MAN2A1: variants seen among roughly 807,000 people sequenced by gnomAD.
MAN2A1 encodes mannosidase alpha class 2A member 1, also known as alpha-mannosidase 2.
Under a neutral mutation model 142.6 loss-of-function variants are expected in MAN2A1, and 76 were observed. The ratio of observed to expected loss-of-function variants is 0.53; its 90% confidence interval spans 0.44 to 0.65. The LOEUF (loss-of-function observed/expected upper bound fraction) is 0.65, where lower values mean the gene tolerates loss of function less well. MAN2A1 is among the 30% of genes least tolerant of loss of function. The probability of loss-of-function intolerance (pLI) is 0.00; values close to 1 mark genes in which losing one functional copy is unlikely to be tolerated. For synonymous variants in MAN2A1, 559 were observed against 473.2 expected, an observed-to-expected ratio of 1.18 and a Z score of -2.35; for missense variants, 1,311 against 1,365.1, an observed-to-expected ratio of 0.96 and a Z score of 0.62.
At chr5:109,816,295 T>C (rs575473317) in intron 12 of MAN2A1, among the ~76,000 whole-genome samples, 10 of 152,384 alleles carry the variant, frequency 6.6e-5, no homozygotes, top group Admixed American at 3.9e-4. Context: ...CATAATATGC[T>C]GGTATAAAAT....
chr5:109,819,390 C>A (rs2112724237), intron 13 of MAN2A1, among the ~76,000 whole-genome samples: 1 of 152,286 alleles, frequency 6.6e-6, no homozygotes, highest in Non-Finnish European at 1.5e-5. Context: ...TTTAAATCAT[C>A]TCTAAATTAC....
At chr5:109,750,595 C>G (rs1227790315) in intron 4 of MAN2A1, among the ~76,000 whole-genome samples, 1 of 152,038 alleles carries the variant, frequency 6.6e-6, no homozygotes, top group Non-Finnish European at 1.5e-5. Flanking sequence ...TATGTGCTTT[C>G]TGGCCTACTA....
intron 2 of MAN2A1, among the ~76,000 whole-genome samples, chr5:109,714,543 G>GA (rs1751400847): frequency 6.6e-6 from 1 of 152,158 alleles, no homozygotes; most frequent in African/African-American, 2.4e-5. Flanking sequence ...ACCAGCATTG[G>GA]AAAGGACTTC....
chr5:109,763,524 G>GTAT (rs981803703), intron 5 of MAN2A1, among the ~76,000 whole-genome samples: 1 of 113,002 alleles, frequency 8.8e-6, no homozygotes, highest in African/African-American at 4.5e-5. Context: ...ATTTATTTTA[G>GTAT]TATTATTATT....
chr5:109,788,930 A>G lies in MAN2A1; in HGVS notation c.1761-4A>G, dbSNP rs747973120. Reference sequence around the variant, plus strand: ...CTCAGACTAATAAAATTTTTGATTTACAGACTTTTTCATTCGTTAATGGTT... The same window carrying G: ...CTCAGACTAATAAAATTTTTGATTTGCAGACTTTTTCATTCGTTAATGGTT... On this transcript the variant is annotated splice_polypyrimidine_tract_variant and splice_region_variant and intron_variant, in intron 10 of 21. Coordinates refer to ENST00000261483, the MANE Select transcript of MAN2A1 (RefSeq NM_002372.4). 13 of 1,406,004 alleles carry G rather than the reference A, an allele frequency of 9.2e-6. No individual in the cohort carries two copies. Among genetic ancestry groups the G allele is most frequent in the Non-Finnish European group, 4.0e-6 (4 of 999,104 alleles). 87.1% of individuals were successfully genotyped at this position (1,406,004 alleles called of 1,614,324 possible). A position where few individuals can be genotyped will look rare whatever the true frequency, so the allele number is the denominator to read the frequency against.
chr5:109,799,700 G>C (rs1753963107), intron 12 of MAN2A1, among the ~76,000 whole-genome samples: 1 of 151,378 alleles, frequency 6.6e-6, no homozygotes, highest in Admixed American at 6.6e-5. Context: ...GTTGTGGTGA[G>C]CCGAGGTTGC....
intron 21 of MAN2A1, among the ~76,000 whole-genome samples, chr5:109,866,264 C>CAG (rs1195611145): frequency 6.6e-6 from 1 of 152,064 alleles, no homozygotes; most frequent in Non-Finnish European, 1.5e-5. Context: ...TTATACGATC[C>CAG]AGAGAGACAG....
chr5:109,820,272 C>T lies in MAN2A1; in HGVS notation c.2381C>T (p.Ser794Leu). The T allele has an allele frequency of 6.2e-7, 1 of 1,611,558 alleles. No homozygotes were observed. Among genetic ancestry groups the T allele is most frequent in the Non-Finnish European group, 8.5e-7 (1 of 1,178,018 alleles). ...GKHHEVNVQF[S>L]WYGTTIKRDK... Reference sequence around the variant, plus strand: ...CACCATGAAGTAAATGTGCAATTTTCATGGTATGGAACCACAATTAAAAGA... The same window carrying T: ...CACCATGAAGTAAATGTGCAATTTTTATGGTATGGAACCACAATTAAAAGA... Residue 794 changes from serine to leucine, a missense_variant, in exon 15 of 22, where the codon TCA becomes TTA. By Grantham distance (145) the Ser-to-Leu change is moderately radical. This residue lies in a region of MAN2A1 where 890 missense variants were observed against 920.5 expected (regional missense o/e 0.97). Transcript: ENST00000261483.
intron 1 of MAN2A1, among the ~76,000 whole-genome samples, chr5:109,709,837 T>A (rs898576679): frequency 3.3e-5 from 5 of 152,202 alleles, no homozygotes; most frequent in Non-Finnish European, 7.3e-5. Flanking sequence ...AAAGTAGTTT[T>A]CTCATAAGTG....
intron 5 of MAN2A1, among the ~76,000 whole-genome samples, chr5:109,760,026 G>C (rs1401669429): frequency 6.6e-6 from 1 of 152,026 alleles, no homozygotes; most frequent in Non-Finnish European, 1.5e-5. Context: ...TGGGATACAT[G>C]TGCAGAACAT....
chr5:109,727,664 C>G (rs1751783365), intron 3 of MAN2A1, among the ~76,000 whole-genome samples: 1 of 151,990 alleles, frequency 6.6e-6, no homozygotes, highest in Admixed American at 6.6e-5. Context: ...TCCCCTTTAC[C>G]TAATTTAATT....
At chr5:109,782,537 C>T (rs1280657824) in intron 9 of MAN2A1, among the ~76,000 whole-genome samples, 1 of 152,136 alleles carries the variant, frequency 6.6e-6, no homozygotes, top group Admixed American at 6.5e-5. Flanking sequence ...TAAAGTAATT[C>T]ATTTTCATGA....
At chr5:109,843,713 G>T (rs1198047034) in intron 17 of MAN2A1, among the ~76,000 whole-genome samples, 1 of 152,046 alleles carries the variant, frequency 6.6e-6, no homozygotes, top group Non-Finnish European at 1.5e-5. Flanking sequence ...TTGTAGTAAG[G>T]AAATTGATTT....
chr5:109,715,771 T>G (rs1305436815), intron 2 of MAN2A1, among the ~76,000 whole-genome samples: 1 of 152,202 alleles, frequency 6.6e-6, no homozygotes, highest in Non-Finnish European at 1.5e-5. Flanking sequence ...AAATATCTGG[T>G]CATAATCAAA....
intron 5 of MAN2A1, among the ~76,000 whole-genome samples, chr5:109,758,409 A>G (rs1752747790): frequency 6.6e-6 from 1 of 151,548 alleles, no homozygotes; most frequent in Non-Finnish European, 1.5e-5. Context: ...TTTTTTTTAT[A>G]TATTGTGGTT....
intron 12 of MAN2A1, among the ~76,000 whole-genome samples, chr5:109,801,977 G>A (rs995107512): frequency 1.3e-5 from 2 of 152,152 alleles, no homozygotes; most frequent in African/African-American, 2.4e-5. Context: ...GTAGGACTAT[G>A]TGGGCCTATG....
At chr5:109,847,861 T>C in intron 19 of MAN2A1, 71 bp downstream of exon 19, 4 of 1,214,816 alleles carry the variant, frequency 3.3e-6, no homozygotes, top group Non-Finnish European at 3.3e-6. Flanking sequence ...ATTATGACTT[T>C]CCACTTTTAA....
intron 17 of MAN2A1, among the ~76,000 whole-genome samples, chr5:109,843,961 C>T (rs533785265): frequency 4.5e-4 from 69 of 152,238 alleles, no homozygotes; most frequent in African/African-American, 1.4e-3. Context: ...ATAATTTTCT[C>T]TTCTATGATT....
rs563944243 is a variant in MAN2A1, at chr5:109,864,299, C to T, written c.3172-737C>T. The stretch of plus-strand genomic sequence containing the variant: ...TAAGATAATTGTATTTTAAAATATT[C>T]AGAGGCCTAAACCATTCATGACATT... On this transcript the variant is annotated intron_variant, in intron 20 of 21. Coordinates refer to ENST00000261483, the MANE Select transcript of MAN2A1 (RefSeq NM_002372.4). 3 of 152,256 alleles carry T rather than the reference C, an allele frequency of 2.0e-5. No homozygotes were observed. In the East Asian group the frequency reaches 5.8e-4, roughly 29 times the overall value. 9.4% of individuals were successfully genotyped at this position (152,256 alleles called of 1,614,324 possible).
Sources: gnomAD v4.1 joint callset for allele counts (sites outside exome capture counted in the v4.1 genomes callset) on GRCh38, gnomAD v4.1.1 for gene constraint, gnomAD v4.1.1 regional missense constraint, MANE v1.5 for transcripts, NCBI Gene and HGNC (gene_info 2026-07-23, HGNC 2026-07-21) for gene names.